WDFY4: variants seen among roughly 807,000 people sequenced by gnomAD.
WDFY4 encodes WD repeat- and FYVE domain-containing protein 4.
WDFY4 carries 169 observed loss-of-function variants against 351.9 expected under a neutral mutation model. The ratio of observed to expected loss-of-function variants is 0.48; its 90% CI spans 0.42 to 0.55. WDFY4 has a LOEUF of 0.55. Ranked by LOEUF, WDFY4 falls within the 20% of genes least tolerant of loss-of-function variation. The pLI is 0.00. For missense variants in WDFY4, 3,803 were observed against 3,935.6 expected, an observed-to-expected ratio of 0.97 and a Z score of 0.90; for synonymous variants, 1,622 against 1,574.6, an observed-to-expected ratio of 1.03 and a Z score of -0.71.
intron 47 of WDFY4, among the ~76,000 whole-genome samples, chr10:48,902,760 G>A (rs1004754324): frequency 2.6e-5 from 4 of 151,866 alleles, no homozygotes; most frequent in Admixed American, 6.6e-5. Flanking sequence ...ATAGAGGTGG[G>A]CATTGAAATC....
rs1206413860 is a variant in WDFY4, at chr10:48,824,086, C to T, written c.5982+1549C>T. The T allele has an allele frequency of 7.1e-6, 7 of 985,292 alleles. No homozygotes were observed. In the East Asian group the frequency reaches 7.9e-4, roughly 112 times the overall value. The allele number at this position is 985,292 out of a possible 1,614,324, so 61.0% of individuals were successfully genotyped here. ...GATGTTTGGAGATGTATGGACCAGT[C>T]CATGCTAAGGCTACAAATCAGGGTC... On this transcript the variant is annotated intron_variant, in intron 35 of 61. Transcript: ENST00000325239.
intron 51 of WDFY4, among the ~76,000 whole-genome samples, chr10:48,953,982 C>T (rs1451736074): frequency 1.3e-5 from 2 of 152,228 alleles, no homozygotes; most frequent in Non-Finnish European, 2.9e-5. Flanking sequence ...CTTTAGCCAT[C>T]ATACCATAAT....
chr10:48,774,334 A>C, intron 13 of WDFY4, 124 bp from the exon 14 acceptor site: 1 of 972,160 alleles, frequency 1.0e-6, no homozygotes, highest in African/African-American at 1.6e-5. Context: ...TGTAGTGGGG[A>C]TGGGGTATGG....
chr10:48,904,678 A>G (rs117994066), intron 47 of WDFY4, among the ~76,000 whole-genome samples: 2,507 of 152,148 alleles, frequency 0.016, 33 homozygotes, highest in Middle Eastern at 0.054. Flanking sequence ...CCCACCACAC[A>G]CCGTACATGC....
At chr10:48,921,031 T>A (rs1489434904) in intron 47 of WDFY4, among the ~76,000 whole-genome samples, 1 of 152,178 alleles carries the variant, frequency 6.6e-6, no homozygotes, top group Non-Finnish European at 1.5e-5. Context: ...AAACATACCA[T>A]GTTCGTGAAT....
Position 48,840,696 on chromosome 10 carries a change from C to G in WDFY4, c.6663+7987C>G, listed in dbSNP as rs552948567. On this transcript the variant is annotated intron_variant, in intron 39 of 61. Coordinates refer to ENST00000325239, the MANE Select transcript of WDFY4 (RefSeq NM_001394531.1). Reference sequence around the variant, plus strand: ...TACAGCCCAGATTTTGAAAAAGTGGCAACATCACCAGTACAGCATTAGTAT... The same window carrying G: ...TACAGCCCAGATTTTGAAAAAGTGGGAACATCACCAGTACAGCATTAGTAT... Among the ~76,000 whole-genome samples, 8 of 152,280 alleles carry G rather than the reference C, an allele frequency of 5.3e-5. No individual in the cohort carries two copies. The South Asian group carries it at 1.7e-3, about 32-fold the overall frequency.
intron 39 of WDFY4, among the ~76,000 whole-genome samples, chr10:48,855,966 T>C (rs1265819755): frequency 1.3e-5 from 2 of 152,150 alleles, no homozygotes; most frequent in African/African-American, 4.8e-5. Flanking sequence ...ATATATAGGG[T>C]TCAGTACTAT....
intron 20 of WDFY4, among the ~76,000 whole-genome samples, chr10:48,787,907 TTCTTCTTCTTCTTCTTCTTCTTCTTC>T (rs2066507734): frequency 5.3e-5 from 2 of 37,902 alleles, no homozygotes; most frequent in African/African-American, 2.8e-4. Context: ...CTTCTTCTTC[TTCTTCTTCTTCTTCTTCTTCTTCTTC>T]TTCTTCTTCT....
intron 48 of WDFY4, among the ~76,000 whole-genome samples, chr10:48,942,350 G>T (rs924519518): frequency 3.1e-4 from 46 of 149,958 alleles, no homozygotes; most frequent in African/African-American, 1.0e-3. Flanking sequence ...TTGCACATTG[G>T]AGTCAGAGCT....
chr10:48,880,673 C>T lies in WDFY4; in HGVS notation c.7167+3474C>T, dbSNP rs114469434. ...AGGGACCCTGTGTGAGGTTCGGCTC[C>T]TGGCCCAGAGGACTGGGCAGAGTGA... On this transcript the variant is annotated intron_variant, in intron 43 of 61. Transcript: ENST00000325239. 5.9e-3 allele frequency among the ~76,000 whole-genome samples: 894 copies of T among 152,340 alleles called. 10 individuals carry two copies. Among genetic ancestry groups the T allele is most frequent in the African/African-American group, 0.021 (858 of 41,580 alleles).
intron 33 of WDFY4, 109 bp from the exon 34 acceptor site, chr10:48,820,953 C>T: frequency 1.3e-6 from 1 of 749,898 alleles, no homozygotes. Context: ...GCAGCCCACA[C>T]TGCTGGCAGA....
chr10:48,786,960 C>A, intron 20 of WDFY4, 90 bp downstream of exon 20: 1 of 1,199,066 alleles, frequency 8.3e-7, no homozygotes, highest in South Asian at 1.5e-5. Context: ...AGAGAATAAG[C>A]TCAGCGTTAA....
intron 5 of WDFY4, among the ~76,000 whole-genome samples, chr10:48,725,016 G>T (rs953956264): frequency 6.6e-6 from 1 of 152,156 alleles, no homozygotes; most frequent in Non-Finnish European, 1.5e-5. Flanking sequence ...GGGTTGTCAG[G>T]GTCTGAGGAG....
intron 21 of WDFY4, among the ~76,000 whole-genome samples, chr10:48,789,506 C>T (rs1215418269): frequency 3.9e-5 from 6 of 152,198 alleles, no homozygotes; most frequent in Admixed American, 3.3e-4. Context: ...GCTCCCAGAG[C>T]CTGAACAACC....
At chr10:48,786,996 T>C (rs2066425415) in intron 20 of WDFY4, 126 bp downstream of exon 20, 2 of 734,362 alleles carry the variant, frequency 2.7e-6, no homozygotes, top group Admixed American at 5.9e-5. Context: ...AAGACCTCTG[T>C]AATTGTATCA....
intron 47 of WDFY4, among the ~76,000 whole-genome samples, chr10:48,906,617 A>G (rs1251825753): frequency 1.3e-5 from 2 of 152,240 alleles, no homozygotes; most frequent in Admixed American, 1.3e-4. Context: ...AGATGTAAAA[A>G]GACCAATCAG....
intron 8 of WDFY4, 24 bp from the exon 9 acceptor site, chr10:48,731,086 G>A (rs757130793): frequency 1.2e-5 from 18 of 1,499,186 alleles, no homozygotes; most frequent in Non-Finnish European, 1.6e-5. Context: ...TGACTTGTAA[G>A]ATCATTCTTG....
chr10:48,981,787 G>A (rs989098619), intron 61 of WDFY4, among the ~76,000 whole-genome samples: 1 of 152,224 alleles, frequency 6.6e-6, no homozygotes, highest in Non-Finnish European at 1.5e-5. Flanking sequence ...TTATCCTAAA[G>A]AGAGCCTTTT....
intron 51 of WDFY4, 78 bp from the exon 52 acceptor site, chr10:48,957,051 G>A: frequency 6.6e-7 from 1 of 1,506,616 alleles, no homozygotes; most frequent in Non-Finnish European, 8.9e-7. Flanking sequence ...CCGTGCCTCT[G>A]AGGCAGAATG....
Sources: allele counts gnomAD v4.1 joint callset (sites outside exome capture counted in the v4.1 genomes callset), GRCh38; gene constraint gnomAD v4.1.1; transcripts MANE v1.5; gene names NCBI Gene and HGNC (gene_info 2026-07-23, HGNC 2026-07-21).